The following AFG2A variants were observed in gnomAD, a reference collection of about 807,000 sequenced individuals.
The protein encoded by AFG2A is ATPase family gene 2 protein homolog A.
the AFG2A span, among the ~76,000 whole-genome samples, chr4:122,993,268 C>T: frequency 5.3e-5 from 8 of 152,062 alleles, no homozygotes; most frequent in African/African-American, 1.4e-4. Context: ...ACTGGGATTA[C>T]GGGTGTGAAC....
At chr4:123,063,978 T>C in the AFG2A span, among the ~76,000 whole-genome samples, 1 of 152,202 alleles carries the variant, frequency 6.6e-6, no homozygotes, top group Non-Finnish European at 1.5e-5. Context: ...ATTTGCTTGT[T>C]AGTCATTGAA....
chr4:123,140,499 T>TG, the AFG2A span, among the ~76,000 whole-genome samples: 1 of 144,736 alleles, frequency 6.9e-6, no homozygotes, highest in Non-Finnish European at 1.5e-5. Context: ...AGGATAAGGT[T>TG]TTTTTTTTTT....
At chr4:123,005,525 T>C in the AFG2A span, among the ~76,000 whole-genome samples, 1 of 152,188 alleles carries the variant, frequency 6.6e-6, no homozygotes, top group Non-Finnish European at 1.5e-5. Flanking sequence ...TTTCCTTCTG[T>C]TTGCTTTATG....
the AFG2A span, chr4:122,928,894 A>G: frequency 1.4e-5 from 13 of 955,894 alleles, no homozygotes; most frequent in African/African-American, 1.7e-5. Context: ...TCTTATTGCA[A>G]TTGGTATCAG....
the AFG2A span, among the ~76,000 whole-genome samples, chr4:122,931,772 AG>A: frequency 6.6e-6 from 1 of 152,146 alleles, no homozygotes; most frequent in East Asian, 1.9e-4. Context: ...AGCTGAAACA[AG>A]GCAGAGTGTC....
At chr4:123,091,737 T>G in the AFG2A span, among the ~76,000 whole-genome samples, 1 of 152,210 alleles carries the variant, frequency 6.6e-6, no homozygotes, top group Admixed American at 6.5e-5. Context: ...TTTCCCTAGG[T>G]CATAATTTAA....
the AFG2A span, among the ~76,000 whole-genome samples, chr4:123,153,284 C>T: frequency 6.6e-6 from 1 of 152,194 alleles, no homozygotes; most frequent in African/African-American, 2.4e-5. Flanking sequence ...CAGAACATTT[C>T]AAGCCTTGGA....
the AFG2A span, among the ~76,000 whole-genome samples, chr4:122,992,982 G>GTGTGTGTGTGTGTGTGTGGTGTGTGTGTA: frequency 1.1e-4 from 16 of 151,580 alleles, no homozygotes; most frequent in African/African-American, 3.4e-4. Flanking sequence ...GTGTATGTGT[G>GTGTGTGTGTGTGTGTGTGGTGTGTGTGTA]TGTGTGTGTG....
the AFG2A span, among the ~76,000 whole-genome samples, chr4:123,166,824 C>T: frequency 6.6e-6 from 1 of 152,198 alleles, no homozygotes; most frequent in African/African-American, 2.4e-5. Context: ...TGTCTACCTT[C>T]ACTTTCTCAT....
At chr4:123,039,343 C>T in the AFG2A span, among the ~76,000 whole-genome samples, 1 of 152,042 alleles carries the variant, frequency 6.6e-6, no homozygotes, top group African/African-American at 2.4e-5. Context: ...ACAGTGACCC[C>T]AGCAATTTCC....
the AFG2A span, among the ~76,000 whole-genome samples, chr4:123,240,711 C>G: frequency 1.3e-5 from 2 of 151,986 alleles, no homozygotes; most frequent in Non-Finnish European, 2.9e-5. Flanking sequence ...CCTGACATCA[C>G]AATTAAAAGA....
At chr4:123,058,333 C>T in the AFG2A span, among the ~76,000 whole-genome samples, 6 of 152,112 alleles carry the variant, frequency 3.9e-5, no homozygotes, top group Admixed American at 1.3e-4. Context: ...CTTATAAAAC[C>T]GTCAGATCGG....
chr4:123,016,951 C>A, the AFG2A span, among the ~76,000 whole-genome samples: 1 of 152,162 alleles, frequency 6.6e-6, no homozygotes, highest in Non-Finnish European at 1.5e-5. Flanking sequence ...GAAACCCCGT[C>A]TCCACCAAAA....
chr4:123,250,592 C>T, the AFG2A span, among the ~76,000 whole-genome samples: 2 of 152,110 alleles, frequency 1.3e-5, no homozygotes, highest in African/African-American at 2.4e-5. Context: ...CACATAGGCA[C>T]CTGTAATTAA....
the AFG2A span, chr4:123,056,507 CTTTTG>C: frequency 7.2e-7 from 1 of 1,389,384 alleles, no homozygotes; most frequent in Non-Finnish European, 9.6e-7. Flanking sequence ...TGCAGCTTCC[CTTTTG>C]TTTTAGGTAA....
the AFG2A span, among the ~76,000 whole-genome samples, chr4:123,238,363 G>A: frequency 2.0e-5 from 3 of 152,370 alleles, no homozygotes; most frequent in South Asian, 6.2e-4. Flanking sequence ...AGAACGGACA[G>A]ACTGCCTCCT....
At chr4:123,115,588 C>T in the AFG2A span, among the ~76,000 whole-genome samples, 1 of 152,114 alleles carries the variant, frequency 6.6e-6, no homozygotes, top group Admixed American at 6.5e-5. Context: ...GCTCTTCCCC[C>T]GCCTGCAGGT....
the AFG2A span, among the ~76,000 whole-genome samples, chr4:122,932,274 CA>C: frequency 0.019 from 2,443 of 129,566 alleles, 46 homozygotes; most frequent in African/African-American, 0.056. Flanking sequence ...GACCTCATCT[CA>C]AAAAAAAAAA....
At chr4:123,303,672 G>C in the AFG2A span, among the ~76,000 whole-genome samples, 4 of 151,942 alleles carry the variant, frequency 2.6e-5, no homozygotes, top group Non-Finnish European at 5.9e-5. Flanking sequence ...GAGGCTGGAG[G>C]ATCACTTGAG....
Sources: gnomAD v4.1 joint callset for allele counts (sites outside exome capture counted in the v4.1 genomes callset) on GRCh38, gnomAD v4.1.1 for gene constraint, MANE v1.5 for transcripts, NCBI Gene and HGNC (gene_info 2026-07-23, HGNC 2026-07-21) for gene names.